Variants in WDFY3 observed in about 807,000 individuals in gnomAD.
WDFY3 encodes WD repeat and FYVE domain-containing protein 3.
In WDFY3, 66 loss-of-function variants were observed where a neutral mutation model predicts 409.6. That is an observed-to-expected ratio of 0.16 (90% CI 0.13 to 0.20). The LOEUF is 0.20. WDFY3 is among the 10% of genes least tolerant of loss of function. WDFY3 has a pLI of 1.00. For missense variants in WDFY3, 3,031 were observed against 4,298.1 expected (o/e 0.71, Z 8.24); for synonymous variants, 1,521 against 1,537.1 (o/e 0.99, Z 0.25).
rs1560500737 is a variant in WDFY3 at position 84,672,620 on chromosome 4, C to A, written c.*248G>T. 9.8e-6 allele frequency: 3 copies of A among 305,038 alleles called. No individual in the cohort carries two copies. In the East Asian group the frequency reaches 1.7e-4, roughly 18 times the overall value. 18.9% of individuals were successfully genotyped at this position (305,038 alleles called of 1,614,324 possible). On this transcript the variant is annotated 3_prime_UTR_variant, in exon 68 of 68. Coordinates refer to ENST00000295888, the MANE Select transcript of WDFY3 (RefSeq NM_014991.6). Reference sequence around the variant, plus strand: ...AGACAGCTACTGTCATCAGGGAGAACTGGAGGTCGAAAGTGTTGCTCCTAG... The same window carrying A: ...AGACAGCTACTGTCATCAGGGAGAAATGGAGGTCGAAAGTGTTGCTCCTAG...
At chr4:84,904,232 T>G (rs1766717600) in intron 2 of WDFY3, among the ~76,000 whole-genome samples, 1 of 152,022 alleles carries the variant, frequency 6.6e-6, no homozygotes, top group Non-Finnish European at 1.5e-5. Context: ...ATGCATTCAT[T>G]CATTCATTCA....
At chr4:84,797,050 C>G (rs1749574423) in intron 18 of WDFY3, among the ~76,000 whole-genome samples, 1 of 152,036 alleles carries the variant, frequency 6.6e-6, no homozygotes, top group Non-Finnish European at 1.5e-5. Flanking sequence ...AATTATAAAT[C>G]TCAGTTAATA....
intron 16 of WDFY3, among the ~76,000 whole-genome samples, chr4:84,802,490 G>C (rs1394313460): frequency 1.3e-5 from 2 of 149,072 alleles, no homozygotes; most frequent in Admixed American, 1.3e-4. Flanking sequence ...GGATGGTCTT[G>C]ATCTCCTGAC....
chr4:84,764,722 A>ACGCCT (rs1743316056), intron 32 of WDFY3, among the ~76,000 whole-genome samples: 1 of 151,976 alleles, frequency 6.6e-6, no homozygotes. Context: ...ACAAAAAATT[A>ACGCCT]GCCGGGCGTG....
intron 2 of WDFY3, among the ~76,000 whole-genome samples, chr4:84,906,530 A>AGTCATC (rs2150690175): frequency 6.6e-6 from 1 of 152,312 alleles, no homozygotes; most frequent in African/African-American, 2.4e-5. Context: ...ATTTAACCAC[A>AGTCATC]GTCATCCCTT....
At chr4:84,718,769 T>G (rs934240666) in intron 47 of WDFY3, among the ~76,000 whole-genome samples, 199 bp from the exon 48 acceptor site, 7 of 152,210 alleles carry the variant, frequency 4.6e-5, no homozygotes, top group African/African-American at 1.7e-4. Context: ...TCCACTCATC[T>G]GCCAATCCCA....
chr4:84,826,695 A>T (rs924472744), intron 10 of WDFY3, 120 bp downstream of exon 10: 7 of 1,006,366 alleles, frequency 7.0e-6, no homozygotes, highest in Middle Eastern at 7.1e-4. Context: ...AACAAGCTTT[A>T]AGGGAAACTA....
chr4:84,918,461 G>C (rs569633782), intron 2 of WDFY3, among the ~76,000 whole-genome samples: 1 of 151,782 alleles, frequency 6.6e-6, no homozygotes, highest in African/African-American at 2.4e-5. Context: ...CTTTTGTGTT[G>C]GAAAAAAGGA....
At position 84,762,095 on chromosome 4, in the gene WDFY3, C is replaced by T. The variant is rs199901919; in HGVS notation, c.5188+3715G>A. On this transcript the variant is annotated intron_variant, in intron 32 of 67. Transcript: ENST00000295888. ...CTAGAACTAGAAATACCATTTGACC[C>T]GGCCATCCCATTACTGGGTATATAC... 1.9e-3 allele frequency among the ~76,000 whole-genome samples: 292 copies of T among 152,170 alleles called. 2 individuals carry two copies. Among genetic ancestry groups the T allele is most frequent in the African/African-American group, 6.7e-3 (276 of 41,500 alleles).
intron 2 of WDFY3, among the ~76,000 whole-genome samples, chr4:84,918,196 A>G (rs1006330862): frequency 1.9e-4 from 29 of 152,094 alleles, no homozygotes; most frequent in African/African-American, 6.5e-4. Context: ...TAGTAATTCC[A>G]CTCCTACATT....
chr4:84,819,957 C>T (rs900835262), intron 12 of WDFY3, 128 bp downstream of exon 12: 11 of 755,194 alleles, frequency 1.5e-5, no homozygotes, highest in South Asian at 5.1e-5. Flanking sequence ...AGGGACATGA[C>T]GGGTACCATC....
At chr4:84,742,062 C>T in intron 37 of WDFY3, 141 bp from the exon 38 acceptor site, 1 of 682,670 alleles carries the variant, frequency 1.5e-6, no homozygotes, top group Admixed American at 3.6e-5. Context: ...TTATGCACTA[C>T]TTGAAGAAAA....
At chr4:84,741,656 G>T in intron 38 of WDFY3, 105 bp downstream of exon 38, 1 of 1,266,282 alleles carries the variant, frequency 7.9e-7, no homozygotes, top group Non-Finnish European at 1.1e-6. Context: ...TTTCTTAAAT[G>T]TTAACATTCA....
At chr4:84,901,546 T>G (rs1469610527) in intron 2 of WDFY3, among the ~76,000 whole-genome samples, 4 of 152,196 alleles carry the variant, frequency 2.6e-5, no homozygotes, top group African/African-American at 9.6e-5. Flanking sequence ...CTTTTCAAAT[T>G]ACCCAGTTTC....
chr4:84,838,519 T>C (rs1276192021), intron 6 of WDFY3, among the ~76,000 whole-genome samples: 1 of 152,126 alleles, frequency 6.6e-6, no homozygotes, highest in African/African-American at 2.4e-5. Flanking sequence ...AAATTAAATA[T>C]ACAGAGCCAG....
intron 15 of WDFY3, among the ~76,000 whole-genome samples, chr4:84,806,506 T>C (rs978461487): frequency 1.3e-5 from 2 of 149,722 alleles, no homozygotes; most frequent in African/African-American, 5.1e-5. Flanking sequence ...ACACTGTAAA[T>C]GATGACAATA....
intron 3 of WDFY3, among the ~76,000 whole-genome samples, chr4:84,877,158 G>A (rs1762902124): frequency 1.3e-5 from 2 of 152,134 alleles, no homozygotes; most frequent in Non-Finnish European, 1.5e-5. Flanking sequence ...TAGGCCTGAC[G>A]TTCTTCATGC....
intron 3 of WDFY3, among the ~76,000 whole-genome samples, chr4:84,887,796 C>G (rs1299382938): frequency 6.6e-6 from 1 of 152,108 alleles, no homozygotes; most frequent in East Asian, 1.9e-4. Flanking sequence ...AGCTCTTTGT[C>G]TTTATGAAAT....
At chr4:84,862,429 T>C (rs1760773662) in intron 3 of WDFY3, among the ~76,000 whole-genome samples, 1 of 152,220 alleles carries the variant, frequency 6.6e-6, no homozygotes, top group African/African-American at 2.4e-5. Context: ...GTCCAATGTA[T>C]CTTATTCTTG....
Sources: allele counts gnomAD v4.1 joint callset (sites outside exome capture counted in the v4.1 genomes callset), GRCh38; gene constraint gnomAD v4.1.1; transcripts MANE v1.5; gene names NCBI Gene and HGNC (gene_info 2026-07-23, HGNC 2026-07-21).